MSRA: variants seen among roughly 807,000 people sequenced by gnomAD.
MSRA encodes the protein mitochondrial peptide methionine sulfoxide reductase.
A neutral mutation model predicts 31.3 loss-of-function variants in MSRA; 54 were observed. The ratio of observed to expected loss-of-function variants is 1.73; its 90% CI spans 1.39 to 2.17. The LOEUF (loss-of-function observed/expected upper bound fraction) is 2.17. Among genes scored for constraint, MSRA ranks in the 30% most tolerant of loss-of-function variants. The pLI, the probability that MSRA is intolerant of heterozygous loss-of-function variation, is 0.00. For synonymous variants in MSRA, 169 were observed against 116.5 expected (o/e 1.45, Z -2.90); for missense variants, 507 against 300.9 (o/e 1.69, Z -5.07).
intron 1 of MSRA, among the ~76,000 whole-genome samples, chr8:10,098,916 C>T (rs1465102844): frequency 6.6e-6 from 1 of 152,178 alleles, no homozygotes; most frequent in African/African-American, 2.4e-5. Context: ...ACAACAGTGG[C>T]CTGTTTATGT....
intron 1 of MSRA, among the ~76,000 whole-genome samples, chr8:10,156,792 A>ATCGATAAGCT (rs1423540417): frequency 6.9e-6 from 1 of 145,168 alleles, no homozygotes; most frequent in Non-Finnish European, 1.5e-5. Flanking sequence ...CTGGTTCTGT[A>ATCGATAAGCT]TCGATAAGCT....
At chr8:10,400,918 T>A (rs1004515949) in intron 5 of MSRA, among the ~76,000 whole-genome samples, 6 of 152,118 alleles carry the variant, frequency 3.9e-5, no homozygotes, top group African/African-American at 1.4e-4. Flanking sequence ...AAACGATAAA[T>A]CCGTCTCAGG....
rs71203317 is a variant in MSRA at position 10,351,245 on chromosome 8, CTTTTTTTTTTTTT to C, written c.543+31272_543+31284del. 7.0e-5 allele frequency among the ~76,000 whole-genome samples: 4 copies of C among 56,808 alleles called. No homozygotes were observed. In the East Asian group the frequency reaches 1.4e-3, roughly 20 times the overall value. 37.3% of individuals were successfully genotyped at this position (56,808 alleles called of 152,430 possible). A position where few individuals can be genotyped will look rare whatever the true frequency, so the allele number is the denominator to read the frequency against. On this transcript the variant is annotated intron_variant, in intron 5 of 5. Coordinates refer to ENST00000317173, the MANE Select transcript of MSRA (RefSeq NM_012331.5). ...ATGGTTGTTTTTGCTCTGAAGGAGA[CTTTTTTTTTTTTT>C]TTTTTTTTTTTTTTTAGACGGAGTC...
chr8:10,341,157 G>T (rs150712272), intron 5 of MSRA, among the ~76,000 whole-genome samples: 1 of 152,140 alleles, frequency 6.6e-6, no homozygotes, highest in African/African-American at 2.4e-5. Flanking sequence ...CAGTTCTCGC[G>T]TTGCCATAAA....
chr8:10,391,593 G>C (rs1806751428), intron 5 of MSRA, among the ~76,000 whole-genome samples: 1 of 152,244 alleles, frequency 6.6e-6, no homozygotes, highest in Admixed American at 6.5e-5. Context: ...AAAGCCAACA[G>C]TCAGGTGACA....
chr8:10,386,463 C>G (rs1047421407), intron 5 of MSRA, among the ~76,000 whole-genome samples: 1 of 152,144 alleles, frequency 6.6e-6, no homozygotes, highest in Non-Finnish European at 1.5e-5. Context: ...ACATCATAGA[C>G]AAAGCAGTCT....
At chr8:10,418,366 G>A (rs1808606088) in intron 5 of MSRA, among the ~76,000 whole-genome samples, 1 of 152,050 alleles carries the variant, frequency 6.6e-6, no homozygotes, top group Non-Finnish European at 1.5e-5. Flanking sequence ...GGAAATGAGG[G>A]TCATCTGTCT....
intron 2 of MSRA, 87 bp from the exon 3 acceptor site, chr8:10,245,015 TTC>T: frequency 1.6e-6 from 2 of 1,257,576 alleles, no homozygotes; most frequent in East Asian, 5.0e-5. Flanking sequence ...CTTTTTTTTT[TTC>T]TTCATGTAAC....
chr8:10,120,936 A>G (rs1236604166), intron 1 of MSRA, among the ~76,000 whole-genome samples: 2 of 152,224 alleles, frequency 1.3e-5, no homozygotes, highest in African/African-American at 4.8e-5. Flanking sequence ...AGTTGTTAGT[A>G]ATTAAATTTA....
At chr8:10,146,798 C>G (rs1429370166) in intron 1 of MSRA, among the ~76,000 whole-genome samples, 1 of 152,154 alleles carries the variant, frequency 6.6e-6, no homozygotes, top group Non-Finnish European at 1.5e-5. Context: ...TGGGCTGGAG[C>G]AGACGCTGGA....
rs146873259 is a variant in MSRA at position 10,259,891 on chromosome 8, G to A, written c.331+14668G>A. Reference sequence around the variant, plus strand: ...GGTGTTCCTGACTCGGGCTCTGCCCGCCTCACCCCCTCTGTAGGCTCTCCC... The same window carrying A: ...GGTGTTCCTGACTCGGGCTCTGCCCACCTCACCCCCTCTGTAGGCTCTCCC... On this transcript the variant is annotated intron_variant, in intron 3 of 5. Coordinates refer to ENST00000317173, the MANE Select transcript of MSRA (RefSeq NM_012331.5). Among the ~76,000 whole-genome samples the A allele has an allele frequency of 6.4e-3, 969 of 152,312 alleles. 3 individuals carry two copies. The highest frequency in any genetic ancestry group is 0.01 in the Middle Eastern group (3 of 294).
At chr8:10,104,013 C>A (rs1368800865) in intron 1 of MSRA, among the ~76,000 whole-genome samples, 1 of 152,138 alleles carries the variant, frequency 6.6e-6, no homozygotes, top group Non-Finnish European at 1.5e-5. Flanking sequence ...TAAACTGTTG[C>A]TATCCTTTTG....
chr8:10,384,012 G>A (rs905810211), intron 5 of MSRA, among the ~76,000 whole-genome samples: 1 of 152,154 alleles, frequency 6.6e-6, no homozygotes, highest in African/African-American at 2.4e-5. Context: ...AGAGCTGAGA[G>A]TCACCCCGAA....
At chr8:10,101,673 A>G (rs891290430) in intron 1 of MSRA, among the ~76,000 whole-genome samples, 7 of 152,200 alleles carry the variant, frequency 4.6e-5, no homozygotes, top group Non-Finnish European at 1.5e-5. Flanking sequence ...TTCACTTAGC[A>G]TAATGTCCTC....
chr8:10,235,972 T>C (rs560471293), intron 2 of MSRA, among the ~76,000 whole-genome samples: 24 of 152,314 alleles, frequency 1.6e-4, no homozygotes, highest in African/African-American at 5.1e-4. Flanking sequence ...TACTGAAAGA[T>C]GATTTAGAAA....
chr8:10,251,896 G>A (rs13250485), intron 3 of MSRA, among the ~76,000 whole-genome samples: 84,448 of 150,600 alleles, frequency 0.56, 24,654 homozygotes, highest in Non-Finnish European at 0.64. Context: ...GGGACGTCAA[G>A]GCATTTGAGA....
rs187466785 is a variant in MSRA at position 10,066,281 on chromosome 8, C to G, written c.142+11623C>G. Among the ~76,000 whole-genome samples, 711 of 152,218 alleles carry G rather than the reference C, an allele frequency of 4.7e-3. 5 individuals are homozygous for G. Among genetic ancestry groups the G allele is most frequent in the Non-Finnish European group, 7.4e-3 (506 of 68,004 alleles). On this transcript the variant is annotated intron_variant, in intron 1 of 5. Transcript: ENST00000317173. The stretch of plus-strand genomic sequence containing the variant: ...GGATTACAGGCGTGAGCCCCTCTGC[C>G]CGGCCAACTTTGTATTTTTGCTCAA...
At chr8:10,297,543 G>A (rs1308808135) in intron 3 of MSRA, among the ~76,000 whole-genome samples, 2 of 152,192 alleles carry the variant, frequency 1.3e-5, no homozygotes, top group South Asian at 2.1e-4. Flanking sequence ...AGCCTAGCAC[G>A]TTGGCTGGTT....
At chr8:10,198,757 G>C (rs1369456541) in intron 1 of MSRA, among the ~76,000 whole-genome samples, 1 of 152,154 alleles carries the variant, frequency 6.6e-6, no homozygotes, top group African/African-American at 2.4e-5. Flanking sequence ...CCTAGTAGCT[G>C]GGACCACAGG....
Sources: allele counts gnomAD v4.1 joint callset (sites outside exome capture counted in the v4.1 genomes callset), GRCh38; gene constraint gnomAD v4.1.1; transcripts MANE v1.5; gene names NCBI Gene and HGNC (gene_info 2026-07-23, HGNC 2026-07-21).